Variants in AOAH observed in about 807,000 individuals in gnomAD.
The protein encoded by AOAH is acyloxyacyl hydrolase (neutrophil).
In AOAH, 64 loss-of-function variants were observed where a neutral mutation model predicts 92.2. That is an observed-to-expected ratio of 0.69 (90% CI 0.57 to 0.86). AOAH has a LOEUF of 0.86. Among genes scored for constraint, AOAH ranks in the 40% least tolerant of loss-of-function variants. AOAH has a pLI of 0.00. For missense variants in AOAH, 656 were observed against 694.6 expected, an observed-to-expected ratio of 0.94 and a Z score of 0.62; for synonymous variants, 263 against 254.5, an observed-to-expected ratio of 1.03 and a Z score of -0.32.
intron 14 of AOAH, 93 bp from the exon 15 acceptor site, chr7:36,548,779 G>A (rs927848905): frequency 6.2e-6 from 7 of 1,126,318 alleles, no homozygotes; most frequent in East Asian, 2.4e-5. Flanking sequence ...AACAATCTTG[G>A]TATGACCACC....
At chr7:36,712,971 A>C (rs1267116952) in intron 1 of AOAH, among the ~76,000 whole-genome samples, 1 of 152,194 alleles carries the variant, frequency 6.6e-6, no homozygotes, top group Non-Finnish European at 1.5e-5. Context: ...GATCAAATTC[A>C]CACATAACAA....
intron 19 of AOAH, among the ~76,000 whole-genome samples, chr7:36,523,077 C>T (rs1340213146): frequency 3.3e-5 from 5 of 152,166 alleles, no homozygotes; most frequent in Non-Finnish European, 7.3e-5. Flanking sequence ...ATGGCATCCC[C>T]ACTTACTACT....
intron 13 of AOAH, 105 bp from the exon 14 acceptor site, chr7:36,549,580 C>G (rs56036432): frequency 0.13 from 97,480 of 769,102 alleles, 6,606 homozygotes; most frequent in East Asian, 0.16. Flanking sequence ...CATTACTGTT[C>G]GGGCAAAGGT....
intron 20 of AOAH, among the ~76,000 whole-genome samples, chr7:36,515,354 C>A (rs189847661): frequency 4.5e-5 from 5 of 112,346 alleles, no homozygotes; most frequent in South Asian, 3.3e-4. Context: ...AATCACACAC[C>A]CCCACACACA....
Position 36,691,707 on chromosome 7 carries a change from G to C in AOAH, c.128-4913C>G, listed in dbSNP as rs1584127989. ...CCCCTTGTTTGGTATATTGGAAACA[G>C]CCACATAGTTTTTGCACTTCCTCCC... On this transcript the variant is annotated intron_variant, in intron 1 of 20. Coordinates refer to ENST00000617537, the MANE Select transcript of AOAH (RefSeq NM_001637.4). 3.9e-5 allele frequency among the ~76,000 whole-genome samples: 6 copies of C among 152,282 alleles called. No homozygotes were observed. The South Asian group carries it at 1.2e-3, about 32-fold the overall frequency.
At chr7:36,570,728 T>C (rs1045826498) in intron 13 of AOAH, among the ~76,000 whole-genome samples, 10 of 152,240 alleles carry the variant, frequency 6.6e-5, no homozygotes, top group African/African-American at 2.4e-4. Flanking sequence ...TTCTTACACT[T>C]TATTTTAAAT....
At chr7:36,704,069 T>C (rs1048542452) in intron 1 of AOAH, among the ~76,000 whole-genome samples, 34 of 152,328 alleles carry the variant, frequency 2.2e-4, no homozygotes, top group East Asian at 1.9e-3. Context: ...TGGTATCTCA[T>C]TGTGGTTTTG....
chr7:36,634,043 T>C (rs1793348181), intron 5 of AOAH, among the ~76,000 whole-genome samples: 1 of 152,010 alleles, frequency 6.6e-6, no homozygotes, highest in South Asian at 2.1e-4. Flanking sequence ...GAAGCACTGA[T>C]GGGAAACAGG....
chr7:36,531,778 T>C (rs757106362), intron 18 of AOAH, among the ~76,000 whole-genome samples: 5 of 152,122 alleles, frequency 3.3e-5, no homozygotes, highest in Non-Finnish European at 7.4e-5. Context: ...CTGTCATGCA[T>C]AGGGGCCAAC....
intron 1 of AOAH, among the ~76,000 whole-genome samples, chr7:36,711,508 CT>C (rs1270300213): frequency 6.6e-6 from 1 of 152,080 alleles, no homozygotes; most frequent in Non-Finnish European, 1.5e-5. Flanking sequence ...AGGTTTCCAC[CT>C]CAGAGCAATC....
At chr7:36,530,360 A>G in intron 19 of AOAH, 58 bp downstream of exon 19, 1 of 1,259,764 alleles carries the variant, frequency 7.9e-7, no homozygotes, top group Non-Finnish European at 1.2e-6. Flanking sequence ...CCAGTTGCCC[A>G]GGCCCTAAAC....
intron 11 of AOAH, among the ~76,000 whole-genome samples, chr7:36,595,539 A>T (rs1227135618): frequency 6.6e-6 from 1 of 152,246 alleles, no homozygotes; most frequent in Non-Finnish European, 1.5e-5. Context: ...TGTCTCAAAA[A>T]TAAATAAATA....
intron 1 of AOAH, among the ~76,000 whole-genome samples, chr7:36,713,116 A>C (rs1345276092): frequency 6.6e-6 from 1 of 152,230 alleles, no homozygotes; most frequent in Admixed American, 6.5e-5. Flanking sequence ...ATAGGCTCAA[A>C]ATAAAGGGAT....
At chr7:36,625,129 T>A (rs578044393) in intron 6 of AOAH, among the ~76,000 whole-genome samples, 41 of 152,134 alleles carry the variant, frequency 2.7e-4, no homozygotes, top group Non-Finnish European at 4.0e-4. Context: ...CAAGCTGATG[T>A]CTCATCACTA....
In AOAH at chr7:36,622,597, G is replaced by A. The variant is rs942795585; in HGVS notation, c.582+593C>T. ...CACACACGTTAAAAAGTAAGTTAACGTAGATTTAAGAAGTTCCAAAATAAT... is the reference window on the plus strand; with the variant it reads ...CACACACGTTAAAAAGTAAGTTAACATAGATTTAAGAAGTTCCAAAATAAT... On this transcript the variant is annotated intron_variant, in intron 7 of 20. Transcript: ENST00000617537. 5.3e-5 allele frequency among the ~76,000 whole-genome samples: 8 copies of A among 152,236 alleles called. No individual in the cohort carries two copies. In the East Asian group the frequency reaches 5.8e-4, roughly 11 times the overall value.
intron 3 of AOAH, among the ~76,000 whole-genome samples, chr7:36,670,003 A>G (rs1448277523): frequency 1.3e-5 from 2 of 151,986 alleles, no homozygotes; most frequent in Admixed American, 6.5e-5. Flanking sequence ...CCCCTGAAGT[A>G]GCTCCTCCCT....
intron 13 of AOAH, among the ~76,000 whole-genome samples, chr7:36,558,256 A>G (rs530550790): frequency 6.6e-6 from 1 of 151,846 alleles, no homozygotes; most frequent in South Asian, 2.1e-4. Context: ...TCCACTCCAG[A>G]CCCTGTTTGC....
chr7:36,686,841 G>A (rs1352698074), intron 1 of AOAH, 47 bp from the exon 2 acceptor site: 2 of 1,273,472 alleles, frequency 1.6e-6, no homozygotes, highest in Non-Finnish European at 2.2e-6. Flanking sequence ...ACAGAAAACT[G>A]AACTGGAGGG....
chr7:36,562,410 A>G (rs1023140769), intron 13 of AOAH, among the ~76,000 whole-genome samples: 2 of 152,190 alleles, frequency 1.3e-5, no homozygotes, highest in African/African-American at 4.8e-5. Context: ...TTTACCCTTA[A>G]GAAGTCTATA....
Sources: allele counts gnomAD v4.1 joint callset (sites outside exome capture counted in the v4.1 genomes callset), GRCh38; gene constraint gnomAD v4.1.1; transcripts MANE v1.5; gene names NCBI Gene and HGNC (gene_info 2026-07-23, HGNC 2026-07-21).